GPC5: variants seen among roughly 807,000 people sequenced by gnomAD.
GPC5 encodes the protein glypican 5, also known as glypican-5.
GPC5 carries 47 observed loss-of-function variants against 53.9 expected under a neutral mutation model. The observed-to-expected ratio is 0.87, with a 90% CI of 0.69 to 1.11. The LOEUF (loss-of-function observed/expected upper bound fraction) is 1.11. Ranked by LOEUF, GPC5 falls within the 50% of genes most tolerant of loss-of-function variation. The pLI is 0.00. For synonymous variants in GPC5, 286 were observed against 263.3 expected (o/e 1.09, Z -0.84); for missense variants, 748 against 713.1 (o/e 1.05, Z -0.56).
At chr13:91,756,586 G>T in intron 5 of GPC5, 166 bp downstream of exon 5, 2 of 503,396 alleles carry the variant, frequency 4.0e-6, no homozygotes, top group Non-Finnish European at 3.3e-6. Context: ...AACAAAACCT[G>T]ATCCTTTTAG....
chr13:92,313,390 A>T (rs1201659907), intron 7 of GPC5, among the ~76,000 whole-genome samples: 2 of 152,214 alleles, frequency 1.3e-5, no homozygotes, highest in African/African-American at 4.8e-5. Flanking sequence ...CCTAAAAGCC[A>T]CATAGTGTCT....
chr13:91,999,228 A>G (rs1367776274), intron 6 of GPC5, among the ~76,000 whole-genome samples: 2 of 151,848 alleles, frequency 1.3e-5, no homozygotes, highest in Admixed American at 6.6e-5. Context: ...CTGTAATGCT[A>G]TGAAACATAC....
intron 7 of GPC5, among the ~76,000 whole-genome samples, chr13:92,405,953 G>A (rs1028213713): frequency 4.6e-5 from 7 of 152,166 alleles, no homozygotes; most frequent in Non-Finnish European, 5.9e-5. Context: ...ATGGAATTAA[G>A]TGTATACACA....
At chr13:91,416,214 G>A (rs554139670) in intron 1 of GPC5, among the ~76,000 whole-genome samples, 114 of 152,202 alleles carry the variant, frequency 7.5e-4, no homozygotes, top group African/African-American at 2.2e-3. Flanking sequence ...AAATTTATGA[G>A]TCCTTCAGAT....
intron 7 of GPC5, among the ~76,000 whole-genome samples, chr13:92,587,533 A>G (rs1169534062): frequency 1.3e-5 from 2 of 152,154 alleles, no homozygotes; most frequent in African/African-American, 4.8e-5. Context: ...AATTAAAAAG[A>G]AAAAGGGAAA....
In GPC5 at chr13:91,836,210, G is replaced by C. The variant is rs554568126; in HGVS notation, c.1281-71727G>C. Among the ~76,000 whole-genome samples, 83 of 152,042 alleles carry C rather than the reference G, an allele frequency of 5.5e-4. 1 individual carries two copies. The highest frequency in any genetic ancestry group is 2.0e-3 in the African/African-American group (81 of 41,486). On this transcript the variant is annotated intron_variant, in intron 5 of 7. Transcript: ENST00000377067. ...ATTGAATATTGATATTATATAGGAG[G>C]TTGATATAAATATCAATATTAAAAT...
chr13:92,697,548 T>C (rs1566369228), intron 7 of GPC5, among the ~76,000 whole-genome samples: 1 of 152,220 alleles, frequency 6.6e-6, no homozygotes, highest in South Asian at 2.1e-4. Flanking sequence ...TGATTGTCTA[T>C]CCTGAGACTT....
intron 3 of GPC5, among the ~76,000 whole-genome samples, chr13:91,699,147 T>A (rs1159373594): frequency 6.6e-6 from 1 of 152,216 alleles, no homozygotes; most frequent in Non-Finnish European, 1.5e-5. Context: ...TGAGCATGAC[T>A]CAGATCAGAA....
At chr13:92,590,744 A>T (rs1314103722) in intron 7 of GPC5, among the ~76,000 whole-genome samples, 10 of 152,244 alleles carry the variant, frequency 6.6e-5, no homozygotes, top group Non-Finnish European at 1.3e-4. Flanking sequence ...TGAGTCGTCT[A>T]CACTGCTACT....
In GPC5 at chr13:92,595,190, T is replaced by A. The variant is rs538208344; in HGVS notation, c.1562-271092T>A. On this transcript the variant is annotated intron_variant, in intron 7 of 7. Coordinates refer to ENST00000377067, the MANE Select transcript of GPC5 (RefSeq NM_004466.6). ...AAACTGTCATAGAAGACCTTCAGAA[T>A]TAACCAGAGAAAGCTTTATGCCCCC... 1.7e-4 allele frequency among the ~76,000 whole-genome samples: 26 copies of A among 152,326 alleles called. No individual in the cohort carries two copies. The South Asian group carries it at 5.4e-3, about 32-fold the overall frequency.
chr13:91,876,635 G>T (rs750337939), intron 5 of GPC5, among the ~76,000 whole-genome samples: 5 of 152,180 alleles, frequency 3.3e-5, no homozygotes, highest in Non-Finnish European at 5.9e-5. Context: ...GCTGTCAAAG[G>T]CATTCAGTTT....
At chr13:92,525,437 A>AGTGTGT (rs34946580) in intron 7 of GPC5, among the ~76,000 whole-genome samples, 19,448 of 136,424 alleles carry the variant, frequency 0.14, 1,666 homozygotes, top group Non-Finnish European at 0.18. Flanking sequence ...GATAGATTCA[A>AGTGTGT]GTGTGTGTGT....
chr13:91,844,511 T>C (rs968359027), intron 5 of GPC5, among the ~76,000 whole-genome samples: 1 of 152,116 alleles, frequency 6.6e-6, no homozygotes, highest in African/African-American at 2.4e-5. Context: ...GCCTGGGCTG[T>C]AGAACCGTAC....
intron 5 of GPC5, among the ~76,000 whole-genome samples, chr13:91,889,138 T>C (rs2039358064): frequency 6.6e-6 from 1 of 152,186 alleles, no homozygotes; most frequent in South Asian, 2.1e-4. Context: ...ATCTTCTATC[T>C]TCTAAGGAGC....
chr13:92,572,251 A>G (rs1414656429), intron 7 of GPC5, among the ~76,000 whole-genome samples: 5 of 152,224 alleles, frequency 3.3e-5, no homozygotes, highest in African/African-American at 4.8e-5. Context: ...TAATAGAACT[A>G]TCATCTCTTC....
intron 7 of GPC5, among the ~76,000 whole-genome samples, chr13:92,732,180 T>C (rs1338897119): frequency 6.6e-6 from 1 of 151,530 alleles, no homozygotes; most frequent in African/African-American, 2.4e-5. Context: ...TTCAAAACAG[T>C]ATATGCTCTT....
chr13:92,378,047 A>G (rs1339100876), intron 7 of GPC5, among the ~76,000 whole-genome samples: 1 of 151,848 alleles, frequency 6.6e-6, no homozygotes, highest in African/African-American at 2.4e-5. Flanking sequence ...TCTCTTTCTA[A>G]TGACTTATTC....
chr13:92,083,754 C>T (rs2138884745), intron 6 of GPC5, among the ~76,000 whole-genome samples: 1 of 152,234 alleles, frequency 6.6e-6, no homozygotes, highest in Non-Finnish European at 1.5e-5. Flanking sequence ...TTAGGAATTG[C>T]CACACTGTCT....
At chr13:91,503,405 A>G (rs984275591) in intron 2 of GPC5, among the ~76,000 whole-genome samples, 2 of 152,192 alleles carry the variant, frequency 1.3e-5, no homozygotes, top group African/African-American at 4.8e-5. Flanking sequence ...CTGTAAAACA[A>G]GCAAATAAAA....
Sources: allele counts gnomAD v4.1 joint callset (sites outside exome capture counted in the v4.1 genomes callset), GRCh38; gene constraint gnomAD v4.1.1; transcripts MANE v1.5; gene names NCBI Gene and HGNC (gene_info 2026-07-23, HGNC 2026-07-21).